PSKH1: variants seen among roughly 807,000 people sequenced by gnomAD.
The protein encoded by PSKH1 is protein serine kinase H1, also known as serine/threonine-protein kinase H1.
Under a neutral mutation model 26.7 loss-of-function variants are expected in PSKH1, and 12 were observed. The ratio of observed to expected loss-of-function variants is 0.45; its 90% confidence interval spans 0.29 to 0.73. The LOEUF is 0.73. Among genes scored for constraint, PSKH1 ranks in the 30% least tolerant of loss-of-function variants. The pLI, the probability that PSKH1 is intolerant of heterozygous loss-of-function variation, is 0.11. For missense variants in PSKH1, 431 were observed against 595.2 expected (o/e 0.72, Z 2.87); for synonymous variants, 213 against 234.3 (o/e 0.91, Z 0.83).
intron 2 of PSKH1, among the ~76,000 whole-genome samples, chr16:67,913,004 A>G (rs2151313120): frequency 6.6e-6 from 1 of 151,670 alleles, no homozygotes; most frequent in Non-Finnish European, 1.5e-5. Context: ...CCTGGGCAAC[A>G]TAGCGAGACC....
intron 1 of PSKH1, among the ~76,000 whole-genome samples, chr16:67,894,484 A>G (rs2058120604): frequency 6.6e-6 from 1 of 152,170 alleles, no homozygotes; most frequent in Non-Finnish European, 1.5e-5. Context: ...TCAGTTTGCT[A>G]TACACTGCCT....
chr16:67,902,705 T>C (rs951545905), intron 1 of PSKH1, among the ~76,000 whole-genome samples: 5 of 152,114 alleles, frequency 3.3e-5, no homozygotes, highest in African/African-American at 1.2e-4. Flanking sequence ...TAGATGACTG[T>C]TTATTTTGTG....
chr16:67,902,426 C>G (rs1411699554), intron 1 of PSKH1, among the ~76,000 whole-genome samples: 1 of 152,032 alleles, frequency 6.6e-6, no homozygotes, highest in Admixed American at 6.5e-5. Flanking sequence ...TCCTGAGCAG[C>G]TGGGATTACA....
intron 1 of PSKH1, among the ~76,000 whole-genome samples, chr16:67,895,015 C>A (rs2058122231): frequency 6.6e-6 from 1 of 151,812 alleles, no homozygotes; most frequent in Non-Finnish European, 1.5e-5. Context: ...CCTCTACCCC[C>A]CAGGTTCAAG....
chr16:67,917,636 C>A (rs1377926747), intron 2 of PSKH1, among the ~76,000 whole-genome samples: 1 of 152,204 alleles, frequency 6.6e-6, no homozygotes, highest in Non-Finnish European at 1.5e-5. Context: ...GGCAGGCAGA[C>A]AGGCTGTGCA....
intron 2 of PSKH1, among the ~76,000 whole-genome samples, chr16:67,918,715 C>T (rs1353071811): frequency 6.6e-6 from 1 of 151,886 alleles, no homozygotes; most frequent in Admixed American, 6.6e-5. Context: ...CCTCAGCCTC[C>T]CAAGTAGCTG....
intron 1 of PSKH1, among the ~76,000 whole-genome samples, chr16:67,896,636 G>A (rs2136649): frequency 0.043 from 6,264 of 146,008 alleles, 171 homozygotes; most frequent in Non-Finnish European, 0.063. Context: ...TCTGCCTCCC[G>A]GGTTCAAGCG....
chr16:67,912,521 G>C (rs1470685682), intron 2 of PSKH1, among the ~76,000 whole-genome samples: 1 of 152,216 alleles, frequency 6.6e-6, no homozygotes, highest in Non-Finnish European at 1.5e-5. Context: ...TTGGTTCTCA[G>C]ATATGGATTG....
chr16:67,915,208 AGTGTGTGTGT>A (rs10599179), intron 2 of PSKH1, among the ~76,000 whole-genome samples: 52 of 143,894 alleles, frequency 3.6e-4, no homozygotes, highest in Admixed American at 6.2e-4. Context: ...AGAGAGAGAG[AGTGTGTGTGT>A]GTGTGTGTGT....
At chr16:67,902,519 A>G (rs1431369803) in intron 1 of PSKH1, among the ~76,000 whole-genome samples, 2 of 151,950 alleles carry the variant, frequency 1.3e-5, no homozygotes, top group Non-Finnish European at 2.9e-5. Flanking sequence ...GCTGGTCTCA[A>G]ACTCTTGACC....
intron 2 of PSKH1, among the ~76,000 whole-genome samples, chr16:67,917,614 A>G (rs888153146): frequency 3.1e-4 from 47 of 152,168 alleles, no homozygotes; most frequent in Admixed American, 3.1e-3. Flanking sequence ...AAGCGTCCCA[A>G]ATGTGACTGC....
At chr16:67,898,625 C>CTTT (rs141319654) in intron 1 of PSKH1, among the ~76,000 whole-genome samples, 1 of 139,060 alleles carries the variant, frequency 7.2e-6, no homozygotes, top group Non-Finnish European at 1.6e-5. Flanking sequence ...TTCTTTCTTT[C>CTTT]TTTTTTTTTT....
At position 67,909,799 on chromosome 16, in the gene PSKH1, G is replaced by A. The variant is rs1232841874; in HGVS notation, c.957+93G>A. The A allele has an allele frequency of 2.5e-6, 3 of 1,202,384 alleles. No individual in the cohort carries two copies. The highest frequency in any genetic ancestry group is 3.5e-6 in the Non-Finnish European group (3 of 853,074). 74.5% of individuals were successfully genotyped at this position (1,202,384 alleles called of 1,614,324 possible). On this transcript the variant is annotated intron_variant, in intron 2 of 2. Coordinates refer to ENST00000291041, the MANE Select transcript of PSKH1 (RefSeq NM_006742.3). The surrounding 1 kb of genome is among the most constrained non-coding windows in gnomAD (Gnocchi z 7.8). The stretch of plus-strand genomic sequence containing the variant: ...TCTCAGTCAGAGGTATGTCCTCAGG[G>A]CCATGCTCGTGAGGGCCAGGCAGGT...
chr16:67,901,644 T>G (rs952404800), intron 1 of PSKH1, among the ~76,000 whole-genome samples: 1 of 151,116 alleles, frequency 6.6e-6, no homozygotes, highest in African/African-American at 2.4e-5. Flanking sequence ...ATTTTTTTTT[T>G]TTTTTTTGGA....
intron 1 of PSKH1, among the ~76,000 whole-genome samples, chr16:67,900,119 C>T (rs2058137629): frequency 6.6e-6 from 1 of 151,832 alleles, no homozygotes; most frequent in Admixed American, 6.6e-5. Flanking sequence ...CACTACCATG[C>T]CCAGGAAATT....
At chr16:67,911,537 C>G (rs1401923848) in intron 2 of PSKH1, among the ~76,000 whole-genome samples, 1 of 152,174 alleles carries the variant, frequency 6.6e-6, no homozygotes, top group Non-Finnish European at 1.5e-5. Flanking sequence ...ACAAAATTAG[C>G]CGGGTGTGGC....
At chr16:67,897,388 A>G (rs975980848) in intron 1 of PSKH1, among the ~76,000 whole-genome samples, 5 of 152,136 alleles carry the variant, frequency 3.3e-5, no homozygotes, top group African/African-American at 9.7e-5. Flanking sequence ...CTCTGTTGCC[A>G]TGGTGTCTGA....
At chr16:67,916,027 G>A (rs935092169) in intron 2 of PSKH1, among the ~76,000 whole-genome samples, 6 of 152,240 alleles carry the variant, frequency 3.9e-5, no homozygotes, top group Non-Finnish European at 7.3e-5. Flanking sequence ...CTGGGCCTGG[G>A]CAGTCTGGAA....
chr16:67,908,584 A>G (rs2151312230), intron 1 of PSKH1, 96 bp from the exon 2 acceptor site: 4 of 605,272 alleles, frequency 6.6e-6, no homozygotes, highest in Middle Eastern at 8.9e-4. Flanking sequence ...TTTGGTTTTA[A>G]TGAGACTGAG....
Sources: allele counts gnomAD v4.1 joint callset (sites outside exome capture counted in the v4.1 genomes callset), GRCh38; gene constraint gnomAD v4.1.1; non-coding constraint Gnocchi (gnomAD v3.1); transcripts MANE v1.5; gene names NCBI Gene and HGNC (gene_info 2026-07-23, HGNC 2026-07-21).